The following RANBP3 variants were observed in gnomAD, a reference collection of about 807,000 sequenced individuals.
The protein encoded by RANBP3 is ran-binding protein 3.
In RANBP3, 14 loss-of-function variants were observed where a neutral mutation model predicts 77.3. That is an observed-to-expected ratio of 0.18 (90% CI 0.12 to 0.28). RANBP3 has a LOEUF of 0.28. RANBP3 is among the 10% of genes least tolerant of loss of function. The pLI, the probability that RANBP3 is intolerant of heterozygous loss-of-function variation, is 1.00. For synonymous variants in RANBP3, 315 were observed against 312.4 expected (o/e 1.01, Z -0.09); for missense variants, 586 against 752.3 (o/e 0.78, Z 2.59).
At chr19:5,953,187 T>C (rs950807666) in intron 2 of RANBP3, among the ~76,000 whole-genome samples, 1 of 152,224 alleles carries the variant, frequency 6.6e-6, no homozygotes, top group Non-Finnish European at 1.5e-5. Flanking sequence ...TGAGAAGTAT[T>C]ACATCACTTC....
intron 1 of RANBP3, among the ~76,000 whole-genome samples, chr19:5,972,218 C>T (rs2058538702): frequency 6.6e-6 from 1 of 152,244 alleles, no homozygotes. Context: ...CTGGAACCAT[C>T]TCCAATGGTG....
intron 1 of RANBP3, among the ~76,000 whole-genome samples, chr19:5,973,959 G>A (rs753829590): frequency 3.3e-5 from 5 of 152,134 alleles, no homozygotes; most frequent in Non-Finnish European, 5.9e-5. Flanking sequence ...CCAGCTCTCT[G>A]AGGACCAAAG....
In RANBP3 at chr19:5,952,677, G is replaced by A. The variant is rs2058289729; in HGVS notation, c.79-1081C>T. 6.6e-6 allele frequency among the ~76,000 whole-genome samples: 1 copy of A among 152,184 alleles called. No homozygotes were observed. The highest frequency in any genetic ancestry group is 1.5e-5 in the Non-Finnish European group (1 of 68,030). On this transcript the variant is annotated intron_variant, in intron 2 of 16. Coordinates refer to ENST00000340578, the MANE Select transcript of RANBP3 (RefSeq NM_007322.3). This position sits in a 1 kb window ranked among gnomAD's most constrained non-coding sequence, Gnocchi z 4.1. The stretch of plus-strand genomic sequence containing the variant: ...GTGAAGTGGCTGACCTCTTTAGACG[G>A]GGTTTGGGCACTACTTAAAAAGCAG...
chr19:5,933,620 A>C, intron 5 of RANBP3, 141 bp from the exon 6 acceptor site: 1 of 602,282 alleles, frequency 1.7e-6, no homozygotes, highest in Non-Finnish European at 2.9e-6. Context: ...CCAAATTACA[A>C]CAGAAGTCTC....
chr19:5,935,370 T>A (rs1160265413), intron 5 of RANBP3, among the ~76,000 whole-genome samples: 1 of 152,226 alleles, frequency 6.6e-6, no homozygotes, highest in Non-Finnish European at 1.5e-5. Context: ...GAGAGCCAGA[T>A]CCTGCAGGAT....
At chr19:5,977,956 G>A (rs1004826923) in intron 1 of RANBP3, 105 bp downstream of exon 1, 8 of 1,442,496 alleles carry the variant, frequency 5.5e-6, no homozygotes, top group Non-Finnish European at 7.5e-6. Context: ...TGGAGCGGAC[G>A]AAACCCTTGC....
Position 5,959,173 on chromosome 19 carries a change from CA to C in RANBP3, c.23-1201del, listed in dbSNP as rs1171836738. ...GTCACAGCTTGCGGGGTGATGGGGCCAGGGGCAGGCGGTGGGCATGCTGACT... is the reference window on the plus strand; with the variant it reads ...GTCACAGCTTGCGGGGTGATGGGGCCGGGGCAGGCGGTGGGCATGCTGACT... On this transcript the variant is annotated intron_variant, in intron 1 of 16. Coordinates refer to ENST00000340578, the MANE Select transcript of RANBP3 (RefSeq NM_007322.3). The surrounding 1 kb of genome is among the most constrained non-coding windows in gnomAD (Gnocchi z 5.1). Among the ~76,000 whole-genome samples the C allele has an allele frequency of 6.6e-6, 1 of 152,114 alleles. No homozygotes were observed. Among genetic ancestry groups the C allele is most frequent in the Non-Finnish European group, 1.5e-5 (1 of 68,024 alleles).
chr19:5,964,304 C>T (rs1351008064), intron 1 of RANBP3, among the ~76,000 whole-genome samples: 2 of 152,198 alleles, frequency 1.3e-5, no homozygotes, highest in East Asian at 3.9e-4. Flanking sequence ...CTTAGACCTG[C>T]TTGGCCTGCC....
intron 1 of RANBP3, among the ~76,000 whole-genome samples, chr19:5,967,035 A>G (rs1444754284): frequency 6.6e-6 from 1 of 152,262 alleles, no homozygotes; most frequent in Non-Finnish European, 1.5e-5. Flanking sequence ...GTTCTGTGCC[A>G]CAGCACAAAG....
intron 5 of RANBP3, among the ~76,000 whole-genome samples, chr19:5,939,920 CCT>C (rs1222673105): frequency 6.6e-6 from 1 of 152,232 alleles, no homozygotes; most frequent in Non-Finnish European, 1.5e-5. Flanking sequence ...CATTGGAGGC[CCT>C]GACTCCTCCT....
chr19:5,932,547 AG>A lies in RANBP3; in HGVS notation c.473-4del, dbSNP rs1450402665. 8.7e-6 allele frequency: 14 copies of A among 1,613,050 alleles called. 1 individual carries two copies. The highest frequency in any genetic ancestry group is 1.1e-5 in the Non-Finnish European group (13 of 1,179,810). ...CTTGGGCTTCTGGCTTGGCAGACCT[AG>A]GAACAGAAGGCGGCCTTCCCAGTGC... On this transcript the variant is annotated splice_region_variant and splice_polypyrimidine_tract_variant and intron_variant, in intron 6 of 16. Transcript: ENST00000340578.
At chr19:5,965,106 C>G (rs2058451075) in intron 1 of RANBP3, among the ~76,000 whole-genome samples, 1 of 151,862 alleles carries the variant, frequency 6.6e-6, no homozygotes, top group South Asian at 2.1e-4. Context: ...AACTGTTCTC[C>G]TTGCAGGGGG....
chr19:5,928,348 C>A (rs1392685518), intron 8 of RANBP3: 2 of 308,018 alleles, frequency 6.5e-6, no homozygotes, highest in Non-Finnish European at 1.2e-5. Flanking sequence ...CTGTGCCCTG[C>A]AGAAGCCTTA....
At chr19:5,975,669 T>A (rs138629516) in intron 1 of RANBP3, among the ~76,000 whole-genome samples, 103 of 145,206 alleles carry the variant, frequency 7.1e-4, no homozygotes, top group African/African-American at 2.6e-3. Context: ...GCCGGATTGT[T>A]AAGAGCTATA....
intron 12 of RANBP3, 122 bp from the exon 13 acceptor site, chr19:5,923,425 G>C (rs2145034493): frequency 1.1e-6 from 1 of 907,348 alleles, no homozygotes; most frequent in African/African-American, 1.6e-5. Context: ...GCCCCTGGCA[G>C]GCCTGCCCCG....
intron 5 of RANBP3, 142 bp from the exon 6 acceptor site, chr19:5,933,621 C>G: frequency 1.6e-6 from 1 of 607,254 alleles, no homozygotes; most frequent in Non-Finnish European, 2.8e-6. Flanking sequence ...CAAATTACAA[C>G]AGAAGTCTCG....
At chr19:5,930,800 C>T (rs1014246278) in intron 8 of RANBP3, among the ~76,000 whole-genome samples, 7 of 152,158 alleles carry the variant, frequency 4.6e-5, no homozygotes, top group Admixed American at 2.6e-4. Context: ...AACTCCTGGC[C>T]TCAAGCAATC....
intron 5 of RANBP3, among the ~76,000 whole-genome samples, chr19:5,940,468 A>G (rs2058121321): frequency 6.6e-6 from 1 of 152,216 alleles, no homozygotes; most frequent in Admixed American, 6.5e-5. Context: ...AGCAGATGAC[A>G]GTGTAATAGC....
At chr19:5,964,878 G>C (rs2058448067) in intron 1 of RANBP3, among the ~76,000 whole-genome samples, 1 of 143,794 alleles carries the variant, frequency 7.0e-6, no homozygotes, top group Non-Finnish European at 1.5e-5. Context: ...ACGGTGGGGG[G>C]TCACCTCCGC....
Sources: allele counts gnomAD v4.1 joint callset (sites outside exome capture counted in the v4.1 genomes callset), GRCh38; gene constraint gnomAD v4.1.1; non-coding constraint Gnocchi (gnomAD v3.1); transcripts MANE v1.5; gene names NCBI Gene and HGNC (gene_info 2026-07-23, HGNC 2026-07-21).